The following RGS6 variants were observed in gnomAD, a reference collection of about 807,000 sequenced individuals.
The protein encoded by RGS6 is regulator of G protein signaling 6.
In RGS6, 30 loss-of-function variants were observed where a neutral mutation model predicts 78.5. The ratio of observed to expected loss-of-function variants is 0.38; its 90% CI spans 0.29 to 0.52. RGS6 has a LOEUF of 0.52. RGS6 is among the 20% of genes least tolerant of loss of function. The probability of loss-of-function intolerance (pLI) is 0.85; values close to 1 mark genes in which losing one functional copy is unlikely to be tolerated. For synonymous variants in RGS6, 206 were observed against 206.0 expected, an observed-to-expected ratio of 1.00 and a Z score of 0.00; for missense variants, 495 against 609.7, an observed-to-expected ratio of 0.81 and a Z score of 1.98.
At chr14:72,264,056 G>A (rs541688697) in intron 2 of RGS6, among the ~76,000 whole-genome samples, 4 of 152,266 alleles carry the variant, frequency 2.6e-5, no homozygotes, top group Non-Finnish European at 4.4e-5. Flanking sequence ...AGAGAAACAC[G>A]TGAACATTCA....
intron 2 of RGS6, among the ~76,000 whole-genome samples, chr14:72,219,972 C>G (rs2046472528): frequency 7.5e-6 from 1 of 133,428 alleles, no homozygotes; most frequent in Non-Finnish European, 1.7e-5. Context: ...GTACGATTCT[C>G]TGCCTGGAAA....
intron 2 of RGS6, among the ~76,000 whole-genome samples, chr14:72,089,937 G>A (rs114328759): frequency 1.1e-3 from 172 of 152,198 alleles, no homozygotes; most frequent in African/African-American, 4.0e-3. Flanking sequence ...TGACAGGAAG[G>A]GAGATTGGAA....
At chr14:71,957,560 T>G (rs574745842) in intron 1 of RGS6, among the ~76,000 whole-genome samples, 3 of 152,028 alleles carry the variant, frequency 2.0e-5, no homozygotes, top group African/African-American at 7.2e-5. Context: ...GATGAGTCTG[T>G]GGGGAGTCGG....
chr14:72,402,086 C>T (rs2092461019), intron 3 of RGS6, among the ~76,000 whole-genome samples: 2 of 152,112 alleles, frequency 1.3e-5, no homozygotes, highest in Admixed American at 1.3e-4. Flanking sequence ...TGGGATCGGG[C>T]AGGAAGGGAG....
chr14:71,869,372 A>G, the RGS6 span, among the ~76,000 whole-genome samples: 342 of 152,312 alleles, frequency 2.2e-3, 2 homozygotes, highest in Middle Eastern at 6.8e-3. Context: ...CTCAGCCCCC[A>G]GCTCCAATGT....
intron 15 of RGS6, among the ~76,000 whole-genome samples, chr14:72,522,454 C>A (rs969577102): frequency 2.6e-5 from 4 of 152,192 alleles, no homozygotes; most frequent in African/African-American, 9.7e-5. Flanking sequence ...TTACCTAAAA[C>A]AGGGGTCAGT....
At chr14:72,335,033 T>C (rs1366462134) in intron 2 of RGS6, among the ~76,000 whole-genome samples, 1 of 149,526 alleles carries the variant, frequency 6.7e-6, no homozygotes, top group Non-Finnish European at 1.5e-5. Flanking sequence ...GGCAGGTCTT[T>C]CCTGTACTGT....
chr14:72,004,080 C>T (rs2153224112), intron 2 of RGS6, among the ~76,000 whole-genome samples: 1 of 152,298 alleles, frequency 6.6e-6, no homozygotes, highest in Middle Eastern at 3.4e-3. Context: ...AAGTGGAATG[C>T]TTCCAAAGCT....
chr14:72,220,768 G>T (rs1376666940), intron 2 of RGS6, among the ~76,000 whole-genome samples: 2 of 152,140 alleles, frequency 1.3e-5, no homozygotes, highest in African/African-American at 2.4e-5. Flanking sequence ...GTCTTTTATA[G>T]CAACAAGGTT....
intron 2 of RGS6, among the ~76,000 whole-genome samples, chr14:72,211,779 A>G (rs2044234146): frequency 6.6e-6 from 1 of 152,180 alleles, no homozygotes; most frequent in Admixed American, 6.5e-5. Flanking sequence ...AGCCCAGAGG[A>G]AAAAAGAAGA....
At chr14:72,418,436 G>A (rs765287634) in intron 3 of RGS6, among the ~76,000 whole-genome samples, 9 of 152,162 alleles carry the variant, frequency 5.9e-5, no homozygotes, top group Non-Finnish European at 1.2e-4. Flanking sequence ...CAAAGTGCTA[G>A]GATTACAGGC....
the RGS6 span, among the ~76,000 whole-genome samples, chr14:72,626,753 A>G: frequency 6.6e-6 from 1 of 152,082 alleles, no homozygotes; most frequent in Admixed American, 6.5e-5. Context: ...GGTATTGTCA[A>G]ATTTCCCTCC....
chr14:71,987,309 GGA>G (rs2094757541), intron 2 of RGS6, among the ~76,000 whole-genome samples: 1 of 152,144 alleles, frequency 6.6e-6, no homozygotes, highest in Non-Finnish European at 1.5e-5. Flanking sequence ...GCAGAAAAGA[GGA>G]GAGTTTCAGA....
the RGS6 span, among the ~76,000 whole-genome samples, chr14:72,625,112 C>T: frequency 6.6e-6 from 1 of 152,078 alleles, no homozygotes; most frequent in Non-Finnish European, 1.5e-5. Flanking sequence ...AAATATCCTA[C>T]TTCTCATCAT....
At chr14:72,017,776 T>G (rs1392974186) in intron 2 of RGS6, among the ~76,000 whole-genome samples, 2 of 152,140 alleles carry the variant, frequency 1.3e-5, no homozygotes, top group Non-Finnish European at 2.9e-5. Flanking sequence ...GTCTTTTTTT[T>G]TTCTTCAACT....
intron 2 of RGS6, among the ~76,000 whole-genome samples, chr14:72,155,203 T>TG (rs2096753088): frequency 6.6e-6 from 1 of 152,256 alleles, no homozygotes; most frequent in Non-Finnish European, 1.5e-5. Context: ...TTCTTGTCTC[T>TG]GGTTAGCTCA....
At chr14:72,546,955 C>T (rs1431835958) in intron 17 of RGS6, among the ~76,000 whole-genome samples, 6 of 152,216 alleles carry the variant, frequency 3.9e-5, no homozygotes, top group Admixed American at 2.0e-4. Context: ...TTACAAGCGG[C>T]TGATGGGGTT....
intron 1 of RGS6, among the ~76,000 whole-genome samples, chr14:71,934,380 G>A (rs1452393057): frequency 2.0e-5 from 3 of 152,168 alleles, no homozygotes; most frequent in Admixed American, 6.5e-5. Flanking sequence ...CTGTTGGGAG[G>A]TATTGTGATG....
At chr14:72,621,118 G>T in the RGS6 span, among the ~76,000 whole-genome samples, 1 of 149,524 alleles carries the variant, frequency 6.7e-6, no homozygotes, top group Non-Finnish European at 1.5e-5. Context: ...TCCAGCCTGG[G>T]CAACTGAGTG....
Sources: gnomAD v4.1 joint callset for allele counts (sites outside exome capture counted in the v4.1 genomes callset) on GRCh38, gnomAD v4.1.1 for gene constraint, MANE v1.5 for transcripts, NCBI Gene and HGNC (gene_info 2026-07-23, HGNC 2026-07-21) for gene names.